NCOA4: variants seen among roughly 807,000 people sequenced by gnomAD.
NCOA4 encodes the protein nuclear receptor coactivator 4, also known as 70 kDa AR-activator.
A neutral mutation model predicts 69.5 loss-of-function variants in NCOA4; 31 were observed. The ratio of observed to expected loss-of-function variants is 0.45; its 90% confidence interval spans 0.34 to 0.60. The LOEUF is 0.60. Ranked by LOEUF, NCOA4 falls within the 20% of genes least tolerant of loss-of-function variation. NCOA4 has a pLI of 0.02. For synonymous variants in NCOA4, 228 were observed against 252.4 expected, an observed-to-expected ratio of 0.90 and a Z score of 0.92; for missense variants, 600 against 719.2, an observed-to-expected ratio of 0.83 and a Z score of 1.90.
At position 46,015,249 on chromosome 10, in the gene NCOA4, G is replaced by A. The variant is rs777172019; in HGVS notation, c.159C>T (p.His53=). 1.0e-5 allele frequency: 16 copies of A among 1,605,398 alleles called. No individual in the cohort carries two copies. The East Asian group carries it at 2.7e-4, about 27-fold the overall frequency. ...DNLREVKAQI[H]SCISRHLECL... The stretch of plus-strand genomic sequence containing the variant: ...ATTCCAGGTGACGGCTTATGCAACT[G>A]TGAATCTGAGCTTTGACCTAGGAAA... Residue 53 remains histidine, a synonymous_variant, in exon 3 of 10, where the codon CAC becomes CAT. Coordinates refer to ENST00000581486, the MANE Select transcript of NCOA4 (RefSeq NM_001145263.2).
At chr10:46,015,070 C>T (rs1267618442) in intron 3 of NCOA4, 56 bp downstream of exon 3, 42 of 1,611,010 alleles carry the variant, frequency 2.6e-5, no homozygotes, top group Admixed American at 3.3e-5. Flanking sequence ...AAGGAAGATA[C>T]TCTCTGGCAA....
intron 1 of NCOA4, among the ~76,000 whole-genome samples, chr10:46,029,951 C>A (rs1840367294): frequency 6.6e-6 from 1 of 152,122 alleles, no homozygotes; most frequent in South Asian, 2.1e-4. Context: ...GATAATCAAG[C>A]TACTTTTCGG....
intron 9 of NCOA4, chr10:46,008,996 AAT>A (rs1839023215): frequency 3.3e-6 from 2 of 599,212 alleles, no homozygotes; most frequent in Admixed American, 3.2e-5. Context: ...CTTAAGACAT[AAT>A]GTTATTGCAG....
At chr10:46,009,951 A>G (rs1361259068) in intron 8 of NCOA4, among the ~76,000 whole-genome samples, 1 of 152,148 alleles carries the variant, frequency 6.6e-6, no homozygotes, top group African/African-American at 2.4e-5. Flanking sequence ...CAGATCGCTT[A>G]AGCTCAGGAG....
In NCOA4 at chr10:46,010,491, A is replaced by G; in HGVS notation, c.1430T>C (p.Met477Thr). ...GGAATCAGCAATTCTAGAAGGAGTC[A>G]TTGCCTTTGGTGCTTTAGTTTGTTC... ...VIEQTKAPKA[M>T]TPSRIADSFQ... Residue 477 changes from methionine to threonine, a missense_variant, in exon 8 of 10, where the codon ATG (methionine) becomes ACG (threonine). Met to Thr is a moderately conservative substitution (Grantham distance 81). Transcript: ENST00000581486. The G allele has an allele frequency of 6.2e-7, 1 of 1,614,190 alleles. No homozygotes were observed.
At chr10:46,012,117 TACTC>T (rs1320486841) in intron 7 of NCOA4, among the ~76,000 whole-genome samples, 3 of 31,182 alleles carry the variant, frequency 9.6e-5, no homozygotes, top group Non-Finnish European at 2.2e-4. Flanking sequence ...AAAAAGAAAA[TACTC>T]AACCTCCTTA....
rs1179721889 is a variant in NCOA4 at position 46,005,778 on chromosome 10, A to T, written c.*814T>A. ...CCCTATGATAGTGACTGTTTCAAGT[A>T]CTATACTACATTTCCAACATGTCTT... On this transcript the variant is annotated 3_prime_UTR_variant, in exon 10 of 10. Coordinates refer to ENST00000581486, the MANE Select transcript of NCOA4 (RefSeq NM_001145263.2). The T allele has an allele frequency of 9.4e-6, 2 of 212,564 alleles. No individual in the cohort carries two copies. The highest frequency in any genetic ancestry group is 1.2e-4 in the Admixed American group (2 of 17,042). 13.2% of individuals were successfully genotyped at this position (212,564 alleles called of 1,614,324 possible). A position where few individuals can be genotyped will look rare whatever the true frequency, so the allele number is the denominator to read the frequency against.
At chr10:46,023,906 A>G (rs1840031778) in intron 1 of NCOA4, among the ~76,000 whole-genome samples, 2 of 152,246 alleles carry the variant, frequency 1.3e-5, no homozygotes, top group African/African-American at 4.8e-5. Context: ...AAATCTAGAC[A>G]ATGTTGTAAT....
chr10:46,026,969 G>A (rs1208969178), intron 1 of NCOA4, among the ~76,000 whole-genome samples: 3 of 152,116 alleles, frequency 2.0e-5, no homozygotes, highest in Non-Finnish European at 4.4e-5. Context: ...CTTGGGATAA[G>A]AATGACTAAG....
chr10:46,013,164 T>C (rs1294036323), intron 6 of NCOA4, 138 bp from the exon 7 acceptor site: 25 of 745,342 alleles, frequency 3.4e-5, no homozygotes, highest in East Asian at 5.3e-5. Context: ...TTCACAATTA[T>C]AAAACAAGAG....
chr10:46,013,506 A>G lies in NCOA4; in HGVS notation c.570+44T>C, dbSNP rs149096872. The G allele has an allele frequency of 2.5e-5, 35 of 1,401,332 alleles. No homozygotes were observed. The African/African-American group carries it at 4.1e-4, about 17-fold the overall frequency. 86.8% of individuals were successfully genotyped at this position (1,401,332 alleles called of 1,614,324 possible). The stretch of plus-strand genomic sequence containing the variant: ...CTATATAAAACCCAAAGGAAGTATA[A>G]GCCAAGTAATGACTCAATTACCAAA... On this transcript the variant is annotated intron_variant, in intron 6 of 9. Transcript: ENST00000581486.
In NCOA4 at chr10:46,011,001, G is replaced by C. The variant is rs782289899; in HGVS notation, c.920C>G (p.Thr307Ser). 2 of 1,613,958 alleles carry C rather than the reference G, an allele frequency of 1.2e-6. No homozygotes were observed. Among genetic ancestry groups the C allele is most frequent in the Admixed American group, 3.3e-5 (2 of 60,020 alleles). Residue 307 changes from threonine to serine, a missense_variant, in exon 8 of 10, where the codon ACT becomes AGT. Thr to Ser is a moderately conservative substitution (Grantham distance 58). Transcript: ENST00000581486. Reference protein sequence around the residue: ...DEMDLSDWLVTPQESHKLRKP... With the variant: ...DEMDLSDWLVSPQESHKLRKP... ...CCGCAGCTTATGGGATTCCTGGGGA[G>C]TCACTAGCCAATCTGATAGGTCCAT...
chr10:46,012,322 C>A (rs1219132408), intron 7 of NCOA4, among the ~76,000 whole-genome samples: 1 of 152,016 alleles, frequency 6.6e-6, no homozygotes, highest in Non-Finnish European at 1.5e-5. Context: ...AAAGCGTAAG[C>A]AGAATTATAA....
intron 2 of NCOA4, 44 bp downstream of exon 2, chr10:46,016,494 CTG>C: frequency 7.3e-7 from 1 of 1,379,280 alleles, no homozygotes; most frequent in Non-Finnish European, 9.5e-7. Context: ...CAAATCAGCC[CTG>C]TGTCAAGAGT....
intron 1 of NCOA4, chr10:46,027,451 C>T: frequency 6.4e-7 from 1 of 1,551,512 alleles, no homozygotes; most frequent in Non-Finnish European, 8.7e-7. Flanking sequence ...CAAAAGTGGT[C>T]AACTGGGCCC....
At chr10:46,009,149 A>G (rs1554920467) in intron 9 of NCOA4, 1 of 1,550,150 alleles carries the variant, frequency 6.5e-7, no homozygotes, top group Non-Finnish European at 8.7e-7. Flanking sequence ...ATAAACTACT[A>G]GAATCCACAT....
chr10:46,015,738 C>T (rs550950113), intron 2 of NCOA4, among the ~76,000 whole-genome samples: 6 of 152,262 alleles, frequency 3.9e-5, no homozygotes, highest in Middle Eastern at 3.4e-3. Context: ...AATAGCTAGC[C>T]CCTTATCTCT....
At chr10:46,024,425 G>A (rs557355191) in intron 1 of NCOA4, among the ~76,000 whole-genome samples, 3 of 152,144 alleles carry the variant, frequency 2.0e-5, no homozygotes, top group African/African-American at 4.8e-5. Context: ...CTTAACCAAC[G>A]GTCTCTGTTC....
intron 9 of NCOA4, among the ~76,000 whole-genome samples, chr10:46,008,620 G>T (rs1838996526): frequency 6.6e-6 from 1 of 152,206 alleles, no homozygotes; most frequent in Non-Finnish European, 1.5e-5. Context: ...AAGATGCTGT[G>T]TATTGTTGAA....
Sources: gnomAD v4.1 joint callset for allele counts (sites outside exome capture counted in the v4.1 genomes callset) on GRCh38, gnomAD v4.1.1 for gene constraint, MANE v1.5 for transcripts, NCBI Gene and HGNC (gene_info 2026-07-23, HGNC 2026-07-21) for gene names.